Variants in IL1RAPL1 observed in about 807,000 individuals in gnomAD.
IL1RAPL1 encodes interleukin 1 receptor accessory protein like 1.
Under a neutral mutation model 48.4 loss-of-function variants are expected in IL1RAPL1, and 3 were observed. The ratio of observed to expected loss-of-function variants is 0.06; its 90% CI spans 0.03 to 0.16. IL1RAPL1 has a LOEUF of 0.16. Ranked by LOEUF, IL1RAPL1 falls within the 10% of genes least tolerant of loss-of-function variation. The probability of loss-of-function intolerance (pLI) is 1.00; values close to 1 mark genes in which losing one functional copy is unlikely to be tolerated. For synonymous variants in IL1RAPL1, 185 were observed against 187.7 expected (o/e 0.99, Z 0.12); for missense variants, 349 against 530.6 (o/e 0.66, Z 3.36).
At chrX:28,728,002 G>A (rs1036180714) in intron 1 of IL1RAPL1, among the ~76,000 whole-genome samples, 2 of 110,121 alleles carry the variant, frequency 1.8e-5, no homozygotes, top group African/African-American at 3.3e-5. Flanking sequence ...GCGCACCAGC[G>A]TGGCACATGT....
intron 1 of IL1RAPL1, among the ~76,000 whole-genome samples, chrX:28,615,074 G>C (rs1484343261): frequency 9.1e-6 from 1 of 109,350 alleles, no homozygotes; most frequent in Non-Finnish European, 1.9e-5. Flanking sequence ...ATTTTTAGTA[G>C]AGACGGGGTT....
At chrX:28,839,278 C>G (rs985631034) in intron 2 of IL1RAPL1, among the ~76,000 whole-genome samples, 1 of 110,702 alleles carries the variant, frequency 9.0e-6, no homozygotes, top group African/African-American at 3.3e-5. Context: ...ATGCTAGAAC[C>G]TATACCAAAC....
intron 5 of IL1RAPL1, among the ~76,000 whole-genome samples, chrX:29,551,680 C>A (rs1921820348): frequency 9.0e-6 from 1 of 111,400 alleles, no homozygotes; most frequent in Admixed American, 9.5e-5. Flanking sequence ...ATATTCATCT[C>A]TTTAAAAGAT....
chrX:29,908,211 G>GATGC (rs773065965), intron 6 of IL1RAPL1, among the ~76,000 whole-genome samples: 35 of 110,091 alleles, frequency 3.2e-4, no homozygotes, highest in Admixed American at 5.9e-4. Context: ...GGCTGAGGTA[G>GATGC]ATGCTCTTAT....
intron 1 of IL1RAPL1, among the ~76,000 whole-genome samples, chrX:28,746,284 C>G (rs1382434131): frequency 8.9e-6 from 1 of 111,755 alleles, no homozygotes; most frequent in Non-Finnish European, 1.9e-5. Context: ...TGCTTTAAAG[C>G]ACTCCCTGAG....
intron 6 of IL1RAPL1, among the ~76,000 whole-genome samples, chrX:29,802,785 G>A (rs758463297): frequency 0.06 from 1,236 of 20,592 alleles, 117 homozygotes; most frequent in Non-Finnish European, 0.076. Flanking sequence ...ATATATATGT[G>A]TGTGTGTATA....
In IL1RAPL1 at chrX:29,915,633, G is replaced by T. The variant is rs563739602; in HGVS notation, c.779-1831G>T. On this transcript the variant is annotated intron_variant, in intron 6 of 10. Transcript: ENST00000378993. The stretch of plus-strand genomic sequence containing the variant: ...ATACGTACTATCAACTCATAGCTTA[G>T]CCCTGAGGCTTCCAGTACTTAAGAA... 7.2e-4 allele frequency among the ~76,000 whole-genome samples: 78 copies of T among 107,879 alleles called. 1 individual carries two copies. In the South Asian group the frequency reaches 0.031, roughly 43 times the overall value. The allele number at this position is 107,879 out of a possible 115,157, so 93.7% of individuals were successfully genotyped here. A position where few individuals can be genotyped will look rare whatever the true frequency, so the allele number is the denominator to read the frequency against.
intron 2 of IL1RAPL1, among the ~76,000 whole-genome samples, chrX:28,830,414 A>C (rs754080503): frequency 8.9e-5 from 10 of 111,872 alleles, no homozygotes; most frequent in Non-Finnish European, 1.3e-4. Context: ...CTTCCAGCTC[A>C]AATTGGCCAT....
chrX:29,726,482 G>A (rs1361203239), intron 6 of IL1RAPL1, among the ~76,000 whole-genome samples: 2 of 111,557 alleles, frequency 1.8e-5, no homozygotes, highest in South Asian at 3.8e-4. Context: ...GTGATCCTGG[G>A]CCCAAACTAA....
At chrX:29,176,691 A>G (rs1930031257) in intron 2 of IL1RAPL1, among the ~76,000 whole-genome samples, 1 of 110,948 alleles carries the variant, frequency 9.0e-6, no homozygotes, top group African/African-American at 3.3e-5. Context: ...TTACAAAGAC[A>G]ATACGATACA....
At chrX:28,751,015 TTTAATTCAACCG>T (rs1244870014) in intron 1 of IL1RAPL1, among the ~76,000 whole-genome samples, 2 of 112,218 alleles carry the variant, frequency 1.8e-5, no homozygotes, top group Non-Finnish European at 3.8e-5. Context: ...GGCTGTAGAC[TTTAATTCAACCG>T]TGATTCTGTA....
rs772294871 is a variant in IL1RAPL1 at position 28,659,707 on chromosome X, C to T, written c.-25+71660C>T. On this transcript the variant is annotated intron_variant, in intron 1 of 10. Coordinates refer to ENST00000378993, the MANE Select transcript of IL1RAPL1 (RefSeq NM_014271.4). ...GTGTAAAGATAATTTAAAGCATTAACAAAGGATTTAACCATTTAGTAATCA... is the reference window on the plus strand; with the variant it reads ...GTGTAAAGATAATTTAAAGCATTAATAAAGGATTTAACCATTTAGTAATCA... Among the ~76,000 whole-genome samples, 5 of 110,054 alleles carry T rather than the reference C, an allele frequency of 4.5e-5. No homozygotes were observed. In the Admixed American group the frequency reaches 4.9e-4, roughly 11 times the overall value.
At chrX:29,547,412 C>T (rs932923548) in intron 5 of IL1RAPL1, among the ~76,000 whole-genome samples, 13 of 110,913 alleles carry the variant, frequency 1.2e-4, no homozygotes, top group African/African-American at 1.6e-4. Context: ...ATGAGAACCT[C>T]ATTGATGATA....
rs1039459809 is a variant in IL1RAPL1, at chrX:29,106,264, TG to T, written c.83-176672del. Among the ~76,000 whole-genome samples the T allele has an allele frequency of 1.4e-4, 16 of 111,216 alleles. No individual in the cohort carries two copies. In the South Asian group the frequency reaches 3.8e-3, roughly 26 times the overall value. The stretch of plus-strand genomic sequence containing the variant: ...TCTACGTTTATATTGGGATAGCCTC[TG>T]GTGTTTTGGAAGTCTTGAGCTGTAA... On this transcript the variant is annotated intron_variant, in intron 2 of 10. Transcript: ENST00000378993.
chrX:28,879,215 T>C (rs1203316544), intron 2 of IL1RAPL1, among the ~76,000 whole-genome samples: 1 of 111,659 alleles, frequency 9.0e-6, no homozygotes, highest in Non-Finnish European at 1.9e-5. Context: ...AAATGATTAG[T>C]GCCTTGAGTT....
chrX:29,627,741 T>G (rs1017168743), intron 5 of IL1RAPL1, among the ~76,000 whole-genome samples: 2 of 111,715 alleles, frequency 1.8e-5, no homozygotes, highest in African/African-American at 6.5e-5. Context: ...ACCATGGGAA[T>G]GTTCATCTCC....
intron 2 of IL1RAPL1, among the ~76,000 whole-genome samples, chrX:28,975,353 A>G (rs754796104): frequency 2.7e-5 from 3 of 112,087 alleles, no homozygotes; most frequent in African/African-American, 9.7e-5. Flanking sequence ...CTGTAGATTG[A>G]ACATTTTCTG....
At chrX:29,616,576 G>A (rs953264827) in intron 5 of IL1RAPL1, among the ~76,000 whole-genome samples, 2 of 106,140 alleles carry the variant, frequency 1.9e-5, no homozygotes, top group Admixed American at 1.0e-4. Context: ...GAGAACATGC[G>A]GTGTTTGGTT....
intron 5 of IL1RAPL1, among the ~76,000 whole-genome samples, chrX:29,594,381 G>A (rs6628459): frequency 0.45 from 49,578 of 110,147 alleles, 9,536 homozygotes; most frequent in African/African-American, 0.74. Flanking sequence ...TTAGTTCCAT[G>A]TGGTAATAAT....
Sources: gnomAD v4.1 joint callset for allele counts (sites outside exome capture counted in the v4.1 genomes callset) on GRCh38, gnomAD v4.1.1 for gene constraint, MANE v1.5 for transcripts, NCBI Gene and HGNC (gene_info 2026-07-23, HGNC 2026-07-21) for gene names.